Variants in GPC6 observed in about 807,000 individuals in gnomAD.
GPC6 encodes the protein glypican 6, also known as glypican-6.
GPC6 carries 14 observed loss-of-function variants against 55.2 expected under a neutral mutation model. That is an observed-to-expected ratio of 0.25 (90% CI 0.17 to 0.40). The LOEUF (loss-of-function observed/expected upper bound fraction) is 0.40, where lower values mean the gene tolerates loss of function less well. Among genes scored for constraint, GPC6 ranks in the 10% least tolerant of loss-of-function variants. The pLI, the probability that GPC6 is intolerant of heterozygous loss-of-function variation, is 1.00. For synonymous variants in GPC6, 278 were observed against 259.6 expected (o/e 1.07, Z -0.68); for missense variants, 641 against 708.5 (o/e 0.90, Z 1.08).
chr13:93,328,492 G>A (rs1411973833), intron 1 of GPC6, among the ~76,000 whole-genome samples: 1 of 151,818 alleles, frequency 6.6e-6, no homozygotes, highest in Non-Finnish European at 1.5e-5. Flanking sequence ...TGGGCAACAT[G>A]GCAAAACCCT....
At chr13:93,941,307 T>A (rs940986531) in intron 3 of GPC6, among the ~76,000 whole-genome samples, 12 of 152,088 alleles carry the variant, frequency 7.9e-5, no homozygotes, top group African/African-American at 2.6e-4. Context: ...ATGCAGCAGA[T>A]TTTTTTTCTC....
chr13:93,401,155 C>CGTGT lies in GPC6; in HGVS notation c.161-144067_161-144064dup, dbSNP rs5805802. ...AAGGCAGAAGGGCAGAGGTATTTGTCGTGTGTGTGTGTGTGTGTGTGTGTG... is the reference window on the plus strand; with the variant it reads ...AAGGCAGAAGGGCAGAGGTATTTGTCGTGTGTGTGTGTGTGTGTGTGTGTGTGTG... On this transcript the variant is annotated intron_variant, in intron 1 of 8. Coordinates refer to ENST00000377047, the MANE Select transcript of GPC6 (RefSeq NM_005708.5). Among the ~76,000 whole-genome samples, 1,061 of 143,506 alleles carry CGTGT rather than the reference C, an allele frequency of 7.4e-3. 2 individuals carry two copies. The highest frequency in any genetic ancestry group is 0.035 in the East Asian group (154 of 4,458). 94.1% of individuals were successfully genotyped at this position (143,506 alleles called of 152,430 possible). A position where few individuals can be genotyped will look rare whatever the true frequency, so the allele number is the denominator to read the frequency against.
intron 1 of GPC6, among the ~76,000 whole-genome samples, chr13:93,338,798 A>G (rs959291724): frequency 6.6e-6 from 1 of 152,124 alleles, no homozygotes; most frequent in African/African-American, 2.4e-5. Context: ...ATCATCCAAT[A>G]TTTTACTATA....
At chr13:93,386,916 C>T (rs986392639) in intron 1 of GPC6, among the ~76,000 whole-genome samples, 3 of 152,136 alleles carry the variant, frequency 2.0e-5, no homozygotes, top group South Asian at 4.1e-4. Context: ...AACCTCCTTC[C>T]GTGTGTCTTC....
At chr13:93,393,632 C>T (rs2762118) in intron 1 of GPC6, among the ~76,000 whole-genome samples, 15,761 of 93,548 alleles carry the variant, frequency 0.17, 883 homozygotes, top group Middle Eastern at 0.23. Flanking sequence ...TAGACCTGTT[C>T]TCTCTCTCTC....
At chr13:93,655,340 T>C (rs1241639975) in intron 2 of GPC6, among the ~76,000 whole-genome samples, 1 of 152,160 alleles carries the variant, frequency 6.6e-6, no homozygotes, top group Admixed American at 6.5e-5. Flanking sequence ...TAGCAGAGTA[T>C]TCCTGCAGGA....
intron 4 of GPC6, among the ~76,000 whole-genome samples, chr13:94,183,545 G>A (rs1889068811): frequency 6.6e-6 from 1 of 152,204 alleles, no homozygotes; most frequent in South Asian, 2.1e-4. Flanking sequence ...GTATCTGGCT[G>A]AGTCCCTGCT....
In GPC6 at chr13:93,640,179, A is replaced by C. The variant is rs138721949; in HGVS notation, c.319+94758A>C. Among the ~76,000 whole-genome samples, 81 of 152,232 alleles carry C rather than the reference A, an allele frequency of 5.3e-4. 1 individual carries two copies. The East Asian group carries it at 0.016, about 29-fold the overall frequency. On this transcript the variant is annotated intron_variant, in intron 2 of 8. Transcript: ENST00000377047. ...TAGACATTATCCTGAGAAGGTCTTCACAGGCTTCAGGAGAAAGTCAAAAGG... is the reference window on the plus strand; with the variant it reads ...TAGACATTATCCTGAGAAGGTCTTCCCAGGCTTCAGGAGAAAGTCAAAAGG...
chr13:93,459,195 A>G (rs916667773), intron 1 of GPC6, among the ~76,000 whole-genome samples: 5 of 152,150 alleles, frequency 3.3e-5, no homozygotes, highest in Admixed American at 2.0e-4. Flanking sequence ...AGTAGCTGGG[A>G]CTACAGGCAT....
chr13:94,402,425 T>C (rs74458514), intron 8 of GPC6, among the ~76,000 whole-genome samples: 1 of 152,282 alleles, frequency 6.6e-6, no homozygotes, highest in African/African-American at 2.4e-5. Context: ...AACTCAGGTA[T>C]CAGTTGATAT....
chr13:94,207,364 G>A (rs1056962070), intron 4 of GPC6, among the ~76,000 whole-genome samples: 7 of 152,114 alleles, frequency 4.6e-5, no homozygotes, highest in African/African-American at 1.2e-4. Flanking sequence ...CCATATTTCC[G>A]ATCTTCCCAC....
At chr13:93,220,052 T>G in the GPC6 span, among the ~76,000 whole-genome samples, 1 of 152,198 alleles carries the variant, frequency 6.6e-6, no homozygotes, top group African/African-American at 2.4e-5. Context: ...CCGTAAAATA[T>G]TCCCATAAAA....
chr13:94,384,629 A>G (rs2139210314), intron 7 of GPC6, among the ~76,000 whole-genome samples: 1 of 152,356 alleles, frequency 6.6e-6, no homozygotes, highest in Non-Finnish European at 1.5e-5. Flanking sequence ...TATAAAGACC[A>G]CTGAAGTTAG....
intron 1 of GPC6, among the ~76,000 whole-genome samples, chr13:93,402,662 C>T (rs1876134790): frequency 6.6e-6 from 1 of 152,106 alleles, no homozygotes; most frequent in Admixed American, 6.6e-5. Flanking sequence ...CAAAATCTAG[C>T]AGGTTTGATT....
intron 2 of GPC6, among the ~76,000 whole-genome samples, chr13:93,757,780 C>T (rs181139404): frequency 2.6e-5 from 4 of 152,278 alleles, no homozygotes; most frequent in Middle Eastern, 3.4e-3. Flanking sequence ...AATTCAGGCA[C>T]TGTGGATTCT....
chr13:94,043,980 T>C (rs941166569), intron 4 of GPC6, among the ~76,000 whole-genome samples: 3 of 151,896 alleles, frequency 2.0e-5, no homozygotes, highest in Admixed American at 6.6e-5. Context: ...TTTTAAGTTC[T>C]CCTACATCTT....
intron 5 of GPC6, among the ~76,000 whole-genome samples, chr13:94,296,047 A>G (rs980308209): frequency 6.6e-6 from 1 of 151,862 alleles, no homozygotes; most frequent in African/African-American, 2.4e-5. Flanking sequence ...TCCTGCTTGT[A>G]ATATTGCTGG....
At chr13:94,292,843 T>C (rs1318749147) in intron 5 of GPC6, among the ~76,000 whole-genome samples, 1 of 152,112 alleles carries the variant, frequency 6.6e-6, no homozygotes, top group African/African-American at 2.4e-5. Flanking sequence ...CTCAGATCTG[T>C]TTTTATAGGG....
At chr13:94,141,449 A>G (rs939057807) in intron 4 of GPC6, among the ~76,000 whole-genome samples, 1 of 152,132 alleles carries the variant, frequency 6.6e-6, no homozygotes, top group African/African-American at 2.4e-5. Context: ...AGTGTCATGA[A>G]GAGTCCATTT....
Sources: gnomAD v4.1 joint callset for allele counts (sites outside exome capture counted in the v4.1 genomes callset) on GRCh38, gnomAD v4.1.1 for gene constraint, MANE v1.5 for transcripts, NCBI Gene and HGNC (gene_info 2026-07-23, HGNC 2026-07-21) for gene names.